The following PDE3B variants were observed in gnomAD, a reference collection of about 807,000 sequenced individuals.
The protein encoded by PDE3B is phosphodiesterase 3B, also known as cGMP-inhibited 3',5'-cyclic phosphodiesterase 3B.
A neutral mutation model predicts 116.8 loss-of-function variants in PDE3B; 66 were observed. That is an observed-to-expected ratio of 0.56 (90% confidence interval 0.46 to 0.69). PDE3B has a LOEUF of 0.69. PDE3B is among the 30% of genes least tolerant of loss of function. The probability of loss-of-function intolerance (pLI) is 0.00; values close to 1 mark genes in which losing one functional copy is unlikely to be tolerated. For missense variants in PDE3B, 1,384 were observed against 1,368.1 expected (o/e 1.01, Z -0.18); for synonymous variants, 595 against 533.6 (o/e 1.12, Z -1.59).
intron 1 of PDE3B, among the ~76,000 whole-genome samples, chr11:14,697,039 T>G (rs1855226896): frequency 6.6e-6 from 1 of 151,914 alleles, no homozygotes; most frequent in Non-Finnish European, 1.5e-5. Flanking sequence ...TGGGCTCAAG[T>G]GAGCCTCCTG....
chr11:14,646,579 A>G (rs938567775), intron 1 of PDE3B, among the ~76,000 whole-genome samples: 3 of 152,194 alleles, frequency 2.0e-5, no homozygotes, highest in African/African-American at 7.2e-5. Context: ...ACCAAATGTG[A>G]ACAAATTGCA....
At chr11:14,819,550 G>C (rs1468655786) in intron 7 of PDE3B, among the ~76,000 whole-genome samples, 2 of 151,990 alleles carry the variant, frequency 1.3e-5, no homozygotes, top group Non-Finnish European at 2.9e-5. Flanking sequence ...CATAAAGAGG[G>C]GTTGTTTTAA....
chr11:14,818,530 AC>A, intron 6 of PDE3B, 137 bp downstream of exon 6: 1 of 619,432 alleles, frequency 1.6e-6, no homozygotes, highest in South Asian at 2.1e-5. Context: ...TAATGAAATG[AC>A]ATTATTTTAA....
chr11:14,739,515 GT>G (rs1856702383), intron 1 of PDE3B, among the ~76,000 whole-genome samples: 1 of 152,138 alleles, frequency 6.6e-6, no homozygotes, highest in Non-Finnish European at 1.5e-5. Flanking sequence ...GAGATGATGG[GT>G]TTTTCTAGAT....
intron 1 of PDE3B, among the ~76,000 whole-genome samples, chr11:14,740,139 T>G (rs975888380): frequency 2.6e-5 from 4 of 152,226 alleles, no homozygotes; most frequent in Non-Finnish European, 5.9e-5. Flanking sequence ...GAGGATTTCC[T>G]TTTTTTCTAT....
chr11:14,846,074 T>A (rs1183087758), intron 12 of PDE3B, among the ~76,000 whole-genome samples: 1 of 152,150 alleles, frequency 6.6e-6, no homozygotes, highest in Admixed American at 6.5e-5. Flanking sequence ...AAAAAAATGT[T>A]AAGGGCAGCC....
intron 7 of PDE3B, among the ~76,000 whole-genome samples, chr11:14,822,491 G>A (rs1281561274): frequency 2.0e-5 from 3 of 152,290 alleles, no homozygotes; most frequent in South Asian, 2.1e-4. Context: ...GGAGTGACAC[G>A]GAGCCAGGGG....
chr11:14,663,022 T>C (rs1274209311), intron 1 of PDE3B, among the ~76,000 whole-genome samples: 1 of 151,582 alleles, frequency 6.6e-6, no homozygotes, highest in Admixed American at 6.6e-5. Context: ...TCACCAAAGT[T>C]GAAATGAAGG....
At chr11:14,896,072 TA>T in the PDE3B span, among the ~76,000 whole-genome samples, 4 of 152,186 alleles carry the variant, frequency 2.6e-5, no homozygotes, top group Non-Finnish European at 5.9e-5. Flanking sequence ...AAGCAGGAGT[TA>T]TTCCTGCCAT....
chr11:14,893,895 C>T, the PDE3B span, among the ~76,000 whole-genome samples: 5 of 152,072 alleles, frequency 3.3e-5, no homozygotes, highest in Non-Finnish European at 7.3e-5. Context: ...ATTATTCTGC[C>T]TACTATAGAA....
intron 1 of PDE3B, among the ~76,000 whole-genome samples, chr11:14,728,527 C>T (rs1590096260): frequency 6.6e-6 from 1 of 152,072 alleles, no homozygotes; most frequent in East Asian, 1.9e-4. Context: ...ATTTCATTCT[C>T]ACAGAAGTCT....
chr11:14,847,216 T>C (rs1177482214), intron 12 of PDE3B, among the ~76,000 whole-genome samples: 1 of 151,988 alleles, frequency 6.6e-6, no homozygotes, highest in Non-Finnish European at 1.5e-5. Context: ...ACATGGAAAC[T>C]GAACAACCTG....
At chr11:14,794,779 C>CCCCT (rs1858501639) in intron 4 of PDE3B, among the ~76,000 whole-genome samples, 1 of 152,144 alleles carries the variant, frequency 6.6e-6, no homozygotes, top group Admixed American at 6.5e-5. Context: ...TTCCCACAGC[C>CCCCT]CCCTCCCTGG....
intron 5 of PDE3B, among the ~76,000 whole-genome samples, chr11:14,811,874 T>A (rs1859144278): frequency 1.3e-5 from 2 of 152,202 alleles, no homozygotes; most frequent in Non-Finnish European, 2.9e-5. Flanking sequence ...GTAAGTTGGA[T>A]TCCTAGGTAT....
Position 14,831,645 on chromosome 11 carries a change from A to T in PDE3B, c.1962A>T (p.Glu654Asp). 6.4e-7 allele frequency: 1 copy of T among 1,572,944 alleles called. No individual in the cohort carries two copies. Among genetic ancestry groups the T allele is most frequent in the Non-Finnish European group, 8.7e-7 (1 of 1,155,638 alleles). Residue 654 changes from glutamate (E) to aspartate (D), a missense_variant, in exon 9 of 16, where the codon GAA becomes GAT. Glu to Asp is a conservative substitution (Grantham distance 45, BLOSUM62 2). Transcript: ENST00000282096. ...TTGTTTCCCTGTATGTACAGATTGA[A>T]CAGGAAGTATCACTGGACCTGATTT... ...EAQSEQQTNI[E>D]QEVSLDLILV...
the PDE3B span, chr11:14,890,929 G>A: frequency 3.0e-6 from 3 of 985,414 alleles, no homozygotes; most frequent in Non-Finnish European, 3.6e-6. Flanking sequence ...AAACATCCCT[G>A]TACTTTTCCT....
chr11:14,834,906 A>T, intron 10 of PDE3B, 76 bp from the exon 11 acceptor site: 1 of 688,874 alleles, frequency 1.5e-6, no homozygotes, highest in Non-Finnish European at 2.5e-6. Context: ...ATGAGGATAT[A>T]GTATGACTAG....
the PDE3B span, chr11:14,880,847 T>C: frequency 3.6e-6 from 5 of 1,382,950 alleles, no homozygotes; most frequent in Non-Finnish European, 3.9e-6. Flanking sequence ...ATTTTTTTAA[T>C]GGATGGTTAG....
intron 2 of PDE3B, 49 bp from the exon 3 acceptor site, chr11:14,786,388 A>G: frequency 1.4e-6 from 2 of 1,423,958 alleles, no homozygotes; most frequent in Non-Finnish European, 2.0e-6. Context: ...TTGTTATATC[A>G]TTTATGCCAT....
Sources: allele counts gnomAD v4.1 joint callset (sites outside exome capture counted in the v4.1 genomes callset), GRCh38; gene constraint gnomAD v4.1.1; transcripts MANE v1.5; gene names NCBI Gene and HGNC (gene_info 2026-07-23, HGNC 2026-07-21).